The following OSBP2 variants were observed in gnomAD, a reference collection of about 807,000 sequenced individuals.
The protein encoded by OSBP2 is oxysterol binding protein 2, also known as oxysterol-binding protein 2.
Under a neutral mutation model 96.0 loss-of-function variants are expected in OSBP2, and 66 were observed. That is an observed-to-expected ratio of 0.69 (90% CI 0.56 to 0.84). The LOEUF (loss-of-function observed/expected upper bound fraction) is 0.84. OSBP2 is among the 40% of genes least tolerant of loss of function. The probability of loss-of-function intolerance (pLI) is 0.00; values close to 1 mark genes in which losing one functional copy is unlikely to be tolerated. For synonymous variants in OSBP2, 525 were observed against 520.9 expected (o/e 1.01, Z -0.11); for missense variants, 1,038 against 1,222.7 (o/e 0.85, Z 2.25).
At position 30,695,069 on chromosome 22, in the gene OSBP2, C is replaced by T. The variant is rs2089001333; in HGVS notation, c.160C>T (p.Pro54Ser). Residue 54 changes from proline (P) to serine (S), a missense_variant, in exon 1 of 14, where the codon CCC becomes TCC. Coordinates refer to ENST00000332585, the MANE Select transcript of OSBP2 (RefSeq NM_030758.4). ...SGSGPEPKPQ[P>S]QPVPEPERGP... ...CTCCGGGCCGGAGCCCAAGCCCCAGCCCCAGCCCGTGCCCGAACCGGAGCG... is the reference window on the plus strand; with the variant it reads ...CTCCGGGCCGGAGCCCAAGCCCCAGTCCCAGCCCGTGCCCGAACCGGAGCG... 6.3e-7 allele frequency: 1 copy of T among 1,584,188 alleles called. No individual in the cohort carries two copies. Among genetic ancestry groups the T allele is most frequent in the Non-Finnish European group, 8.6e-7 (1 of 1,166,378 alleles).
chr22:30,703,378 T>C (rs1319878949), intron 1 of OSBP2, among the ~76,000 whole-genome samples: 1 of 152,176 alleles, frequency 6.6e-6, no homozygotes, highest in Admixed American at 6.5e-5. Context: ...TTCACCATGT[T>C]GGCCAAACTG....
intron 2 of OSBP2, among the ~76,000 whole-genome samples, chr22:30,754,380 G>T (rs1424822308): frequency 6.6e-6 from 1 of 152,190 alleles, no homozygotes; most frequent in African/African-American, 2.4e-5. Context: ...GCTTTGATTG[G>T]TGTCCTTGTG....
At chr22:30,839,156 T>C (rs2038696068) in intron 2 of OSBP2, among the ~76,000 whole-genome samples, 1 of 145,500 alleles carries the variant, frequency 6.9e-6, no homozygotes. Flanking sequence ...ATTTCATCCA[T>C]GTCCCTACAA....
chr22:30,706,752 A>G (rs1260464385), intron 1 of OSBP2, among the ~76,000 whole-genome samples: 7 of 151,898 alleles, frequency 4.6e-5, no homozygotes, highest in Admixed American at 3.3e-4. Context: ...TTTGCAAGCC[A>G]CATGTGTTTC....
At chr22:30,900,874 A>G (rs2040178896) in intron 12 of OSBP2, among the ~76,000 whole-genome samples, 1 of 152,228 alleles carries the variant, frequency 6.6e-6, no homozygotes, top group Non-Finnish European at 1.5e-5. Flanking sequence ...GCATTCATAT[A>G]TTTGACCATA....
intron 2 of OSBP2, among the ~76,000 whole-genome samples, chr22:30,791,415 C>A (rs1012051168): frequency 1.4e-5 from 2 of 146,492 alleles, no homozygotes; most frequent in Admixed American, 1.4e-4. Context: ...CAACCTCCAC[C>A]TCCCAGGTTC....
chr22:30,746,244 C>T (rs1002390201), intron 2 of OSBP2, among the ~76,000 whole-genome samples: 2 of 151,992 alleles, frequency 1.3e-5, no homozygotes, highest in African/African-American at 4.8e-5. Context: ...CATAGTGAGA[C>T]CCTTTCTTTA....
In OSBP2 at chr22:30,871,905, G is replaced by T. The variant is rs1021119378; in HGVS notation, c.1107+1223G>T. On this transcript the variant is annotated intron_variant, in intron 3 of 13. Coordinates refer to ENST00000332585, the MANE Select transcript of OSBP2 (RefSeq NM_030758.4). This position sits in a 1 kb window ranked among gnomAD's most constrained non-coding sequence, Gnocchi z 4.7. Reference sequence around the variant, plus strand: ...CCACCACCCACACCTGCCCAGATATGCTCAGGCTCAGGCCTGGAGCACCCA... The same window carrying T: ...CCACCACCCACACCTGCCCAGATATTCTCAGGCTCAGGCCTGGAGCACCCA... 1.3e-5 allele frequency among the ~76,000 whole-genome samples: 2 copies of T among 152,256 alleles called. No individual in the cohort carries two copies. Among genetic ancestry groups the T allele is most frequent in the Non-Finnish European group, 2.9e-5 (2 of 68,038 alleles).
At chr22:30,806,114 G>A (rs1375793331) in intron 2 of OSBP2, among the ~76,000 whole-genome samples, 2 of 152,210 alleles carry the variant, frequency 1.3e-5, no homozygotes, top group Non-Finnish European at 2.9e-5. Context: ...CCTGTGAGAG[G>A]AGAACCACTG....
At chr22:30,741,440 G>C in intron 2 of OSBP2, 71 bp downstream of exon 2, 1 of 1,319,730 alleles carries the variant, frequency 7.6e-7, no homozygotes, top group Non-Finnish European at 1.0e-6. Flanking sequence ...GGAATTGCAA[G>C]CCACTGGTGG....
chr22:30,828,556 T>C (rs1248763134), intron 2 of OSBP2, among the ~76,000 whole-genome samples: 1 of 152,200 alleles, frequency 6.6e-6, no homozygotes, highest in Non-Finnish European at 1.5e-5. Flanking sequence ...CAGGAGTCCA[T>C]GAGCTCTGAG....
intron 8 of OSBP2, 35 bp downstream of exon 8, chr22:30,891,008 C>T (rs745684218): frequency 6.3e-6 from 10 of 1,586,816 alleles, no homozygotes; most frequent in Admixed American, 1.7e-5. Flanking sequence ...GTGGCGCCCA[C>T]CCACACTCTG....
At chr22:30,857,231 A>G (rs532521334) in intron 2 of OSBP2, among the ~76,000 whole-genome samples, 2 of 152,266 alleles carry the variant, frequency 1.3e-5, no homozygotes, top group South Asian at 4.1e-4. Flanking sequence ...AGGTGGGATG[A>G]GGGAGGCAAT....
intron 1 of OSBP2, among the ~76,000 whole-genome samples, chr22:30,740,307 G>A (rs1325966803): frequency 1.3e-5 from 2 of 152,196 alleles, no homozygotes; most frequent in Non-Finnish European, 2.9e-5. Context: ...CCAGTTTATC[G>A]ATGTGGGTGG....
rs922326483 is a variant in OSBP2, at chr22:30,870,601, C to G, written c.1026C>G (p.Ile342Met). 6 of 1,613,876 alleles carry G rather than the reference C, an allele frequency of 3.7e-6. No individual in the cohort carries two copies. The Admixed American group carries it at 8.3e-5, about 22-fold the overall frequency. Residue 342 changes from isoleucine to methionine, a missense_variant, in exon 3 of 14, where the codon ATC becomes ATG. By Grantham distance (10) the Ile-to-Met change is conservative (BLOSUM62 1). Coordinates refer to ENST00000332585, the MANE Select transcript of OSBP2 (RefSeq NM_030758.4). The surrounding 1 kb of genome is among the most constrained non-coding windows in gnomAD (Gnocchi z 4.1). ...TGACAGAGCTGGACGGCCTCAAGAT[C>G]CCATCTGAGAGTGGGGAGAAGCTGA... is the stretch of plus-strand genomic sequence containing the variant. ...RSLTELDGLK[I>M]PSESGEKLKV...
At chr22:30,740,971 G>A (rs1964344509) in intron 1 of OSBP2, among the ~76,000 whole-genome samples, 190 bp from the exon 2 acceptor site, 1 of 152,084 alleles carries the variant, frequency 6.6e-6, no homozygotes, top group South Asian at 2.1e-4. Flanking sequence ...GAGAGCAGTC[G>A]TGGCCTTAGA....
Position 30,871,250 on chromosome 22 carries a change from G to A in OSBP2, c.1107+568G>A, listed in dbSNP as rs1472027785. ...CCGCAGTTGTAAACTAAGCAGCCCC[G>A]CCACAGGAGTCAGCCGCTCACCCTG... On this transcript the variant is annotated intron_variant, in intron 3 of 13. Transcript: ENST00000332585. The surrounding 1 kb of genome is among the most constrained non-coding windows in gnomAD (Gnocchi z 4.7). Among the ~76,000 whole-genome samples the A allele has an allele frequency of 2.0e-5, 3 of 152,264 alleles. No individual in the cohort carries two copies. The highest frequency in any genetic ancestry group is 4.8e-5 in the African/African-American group (2 of 41,548).
At chr22:30,706,782 C>T (rs985953761) in intron 1 of OSBP2, among the ~76,000 whole-genome samples, 2 of 152,204 alleles carry the variant, frequency 1.3e-5, no homozygotes, top group Non-Finnish European at 2.9e-5. Context: ...TCCAGATCTT[C>T]CTGCCATCCC....
At chr22:30,738,573 T>A (rs979158287) in intron 1 of OSBP2, among the ~76,000 whole-genome samples, 7 of 151,966 alleles carry the variant, frequency 4.6e-5, no homozygotes, top group African/African-American at 7.2e-5. Context: ...TTTTTTTTTT[T>A]CTTTGAGACG....
Sources: gnomAD v4.1 joint callset for allele counts (sites outside exome capture counted in the v4.1 genomes callset) on GRCh38, gnomAD v4.1.1 for gene constraint, Gnocchi (gnomAD v3.1) non-coding constraint, MANE v1.5 for transcripts, NCBI Gene and HGNC (gene_info 2026-07-23, HGNC 2026-07-21) for gene names.